Variants in NLGN1 observed in about 807,000 individuals in gnomAD.
The protein encoded by NLGN1 is neuroligin-1.
NLGN1 carries 12 observed loss-of-function variants against 65.5 expected under a neutral mutation model. The ratio of observed to expected loss-of-function variants is 0.18; its 90% CI spans 0.12 to 0.30. NLGN1 has a LOEUF of 0.30. Among genes scored for constraint, NLGN1 ranks in the 10% least tolerant of loss-of-function variants. NLGN1 has a pLI of 1.00. For synonymous variants in NLGN1, 350 were observed against 359.5 expected, an observed-to-expected ratio of 0.97 and a Z score of 0.30; for missense variants, 750 against 1,007.1, an observed-to-expected ratio of 0.74 and a Z score of 3.46.
chr3:174,253,341 T>C (rs1051982746), intron 4 of NLGN1, among the ~76,000 whole-genome samples: 2 of 152,178 alleles, frequency 1.3e-5, no homozygotes, highest in Non-Finnish European at 2.9e-5. Context: ...TCTTGCACCA[T>C]CTCTGCCAAA....
intron 4 of NLGN1, among the ~76,000 whole-genome samples, chr3:174,046,159 T>A (rs1205934884): frequency 6.6e-6 from 1 of 152,196 alleles, no homozygotes; most frequent in Admixed American, 6.6e-5. Flanking sequence ...TGTAAAAAAT[T>A]GAAGCTCCAT....
intron 4 of NLGN1, among the ~76,000 whole-genome samples, chr3:174,053,198 G>A (rs1387844025): frequency 1.3e-5 from 2 of 151,748 alleles, no homozygotes; most frequent in African/African-American, 4.8e-5. Context: ...AGGTGTTTCG[G>A]GGCCAATCTC....
chr3:173,899,899 AT>A (rs1385495806), intron 4 of NLGN1, among the ~76,000 whole-genome samples: 3 of 152,164 alleles, frequency 2.0e-5, no homozygotes, highest in Admixed American at 1.3e-4. Context: ...TCTTAAGGAT[AT>A]TAAATAGCTA....
At chr3:174,175,171 T>G (rs1729216809) in intron 4 of NLGN1, among the ~76,000 whole-genome samples, 1 of 151,972 alleles carries the variant, frequency 6.6e-6, no homozygotes, top group Non-Finnish European at 1.5e-5. Context: ...TAGTACAGAT[T>G]AAATCTGATG....
chr3:174,037,676 A>T (rs1731435501), intron 4 of NLGN1, among the ~76,000 whole-genome samples: 1 of 152,216 alleles, frequency 6.6e-6, no homozygotes, highest in Non-Finnish European at 1.5e-5. Flanking sequence ...AATTTGTTAC[A>T]TGTTAATTTA....
chr3:174,132,552 A>ATAT (rs1361786360), intron 4 of NLGN1, among the ~76,000 whole-genome samples: 2 of 152,138 alleles, frequency 1.3e-5, no homozygotes, highest in Admixed American at 1.3e-4. Flanking sequence ...AACCTCCTGT[A>ATAT]AAGCTTCTGA....
At chr3:174,168,478 AG>A in intron 4 of NLGN1, among the ~76,000 whole-genome samples, 1 of 152,000 alleles carries the variant, frequency 6.6e-6, no homozygotes, top group East Asian at 1.9e-4. Context: ...AATGCTGGAC[AG>A]GGTCATTTGG....
intron 4 of NLGN1, among the ~76,000 whole-genome samples, chr3:174,143,433 T>A (rs1311642320): frequency 6.6e-6 from 1 of 152,284 alleles, no homozygotes; most frequent in African/African-American, 2.4e-5. Context: ...AATTATCACC[T>A]CGACAAAGGG....
chr3:173,622,267 C>T (rs1754118588), intron 3 of NLGN1, among the ~76,000 whole-genome samples: 2 of 152,050 alleles, frequency 1.3e-5, no homozygotes, highest in Admixed American at 6.6e-5. Flanking sequence ...TAACTGTTCT[C>T]ATCTAGTGCT....
intron 4 of NLGN1, among the ~76,000 whole-genome samples, chr3:173,883,788 A>G (rs971653223): frequency 2.5e-5 from 3 of 121,118 alleles, no homozygotes; most frequent in Admixed American, 7.8e-5. Context: ...TAATTGTTTT[A>G]TTAGTTTTGA....
At chr3:173,940,226 T>C (rs1005885528) in intron 4 of NLGN1, among the ~76,000 whole-genome samples, 1 of 151,740 alleles carries the variant, frequency 6.6e-6, no homozygotes, top group Non-Finnish European at 1.5e-5. Context: ...ATAGCTGGGA[T>C]TACAGGCATG....
At position 173,720,043 on chromosome 3, in the gene NLGN1, G is replaced by A. The variant is rs1770564998; in HGVS notation, c.494-87637G>A. On this transcript the variant is annotated intron_variant, in intron 3 of 6. Transcript: ENST00000457714. ...GTGGGAGGATCACTTGAATGCAGGA[G>A]TTTAAGGCTGCAGTGAGCTATGATC... 2.0e-5 allele frequency among the ~76,000 whole-genome samples: 3 copies of A among 152,082 alleles called. No homozygotes were observed. The South Asian group carries it at 6.2e-4, about 32-fold the overall frequency.
rs149001522 is a variant in NLGN1, at chr3:173,486,137, C to T, written c.-321+51059C>T. On this transcript the variant is annotated intron_variant, in intron 2 of 6. Transcript: ENST00000457714. ...TTGGCTCACTGCAACCTCTGCCTCC[C>T]GGGTTCAAGCGACTCTCCTGCCTCA... is the stretch of plus-strand genomic sequence containing the variant. Among the ~76,000 whole-genome samples, 1,371 of 152,136 alleles carry T rather than the reference C, an allele frequency of 9.0e-3. 22 individuals are homozygous for T. The highest frequency in any genetic ancestry group is 0.032 in the African/African-American group (1,315 of 41,512).
intron 4 of NLGN1, among the ~76,000 whole-genome samples, chr3:174,231,129 T>G (rs1577473987): frequency 6.6e-6 from 1 of 152,314 alleles, no homozygotes; most frequent in Non-Finnish European, 1.5e-5. Flanking sequence ...GGGAGTCAGT[T>G]AAGTCAGATC....
chr3:174,279,084 T>C lies in NLGN1; in HGVS notation c.1083T>C (p.Asp361=). The C allele has an allele frequency of 1.9e-6, 3 of 1,613,318 alleles. No individual in the cohort carries two copies. Among genetic ancestry groups the C allele is most frequent in the Non-Finnish European group, 2.5e-6 (3 of 1,179,522 alleles). ...ACATAGCCTTTGGACCTGTGATTGA[T>C]GGTGATGTAATACCAGACGACCCCC... Residue 361 remains aspartate, a synonymous_variant, in exon 6 of 7, where the codon GAT becomes GAC. Transcript: ENST00000457714. This position sits in a 1 kb window ranked among gnomAD's most constrained non-coding sequence, Gnocchi z 4.7.
At chr3:173,881,579 C>T (rs1578963495) in intron 4 of NLGN1, among the ~76,000 whole-genome samples, 4 of 152,018 alleles carry the variant, frequency 2.6e-5, no homozygotes, top group Admixed American at 2.6e-4. Context: ...CACCCGCCAC[C>T]ACGCCTGGCT....
chr3:173,971,393 G>A (rs568668651), intron 4 of NLGN1, among the ~76,000 whole-genome samples: 36 of 152,058 alleles, frequency 2.4e-4, no homozygotes, highest in Non-Finnish European at 5.1e-4. Flanking sequence ...AAAAAGAAAT[G>A]GAGAGTCTAG....
intron 4 of NLGN1, among the ~76,000 whole-genome samples, chr3:174,084,986 A>C (rs1742965165): frequency 6.6e-6 from 1 of 152,074 alleles, no homozygotes; most frequent in Admixed American, 6.6e-5. Context: ...TGATTGTAAG[A>C]ATCATCACCA....
rs538778940 is a variant in NLGN1 at position 173,852,163 on chromosome 3, T to C, written c.646+44331T>C. Among the ~76,000 whole-genome samples, 78 of 151,458 alleles carry C rather than the reference T, an allele frequency of 5.1e-4. 1 individual carries two copies. The East Asian group carries it at 0.013, about 26-fold the overall frequency. Reference sequence around the variant, plus strand: ...CGAGGTCAGGAGATCGAGACCATCCTGGCTAACACGGTGAAACCCTGTCTC... The same window carrying C: ...CGAGGTCAGGAGATCGAGACCATCCCGGCTAACACGGTGAAACCCTGTCTC... On this transcript the variant is annotated intron_variant, in intron 4 of 6. Transcript: ENST00000457714.
Sources: gnomAD v4.1 joint callset for allele counts (sites outside exome capture counted in the v4.1 genomes callset) on GRCh38, gnomAD v4.1.1 for gene constraint, Gnocchi (gnomAD v3.1) non-coding constraint, MANE v1.5 for transcripts, NCBI Gene and HGNC (gene_info 2026-07-23, HGNC 2026-07-21) for gene names.